Variants in DNHD1 observed in about 807,000 individuals in gnomAD.
The protein encoded by DNHD1 is dynein heavy chain domain-containing protein 1.
DNHD1 carries 383 observed loss-of-function variants against 458.1 expected under a neutral mutation model. The ratio of observed to expected loss-of-function variants is 0.84; its 90% CI spans 0.77 to 0.91. DNHD1 has a LOEUF of 0.91. Among genes scored for constraint, DNHD1 ranks in the 40% least tolerant of loss-of-function variants. The probability of loss-of-function intolerance (pLI) is 0.00; values close to 1 mark genes in which losing one functional copy is unlikely to be tolerated. For missense variants in DNHD1, 5,336 were observed against 5,866.1 expected, an observed-to-expected ratio of 0.91 and a Z score of 2.95; for synonymous variants, 2,203 against 2,376.9, an observed-to-expected ratio of 0.93 and a Z score of 2.13.
intron 4 of DNHD1, among the ~76,000 whole-genome samples, chr11:6,504,997 G>A (rs1362233857): frequency 6.6e-6 from 1 of 151,770 alleles, no homozygotes; most frequent in African/African-American, 2.4e-5. Context: ...TGACTGGCTA[G>A]TTTTTAAATT....
chr11:6,564,484 C>T lies in DNHD1; in HGVS notation c.10436C>T (p.Pro3479Leu). Residue 3479 changes from proline to leucine, a missense_variant, in exon 32 of 43, where the codon CCA becomes CTA. Pro to Leu is a moderately conservative substitution (Grantham distance 98, BLOSUM62 -3). Coordinates refer to ENST00000254579, the MANE Select transcript of DNHD1 (RefSeq NM_144666.3). ...AGGGGCTTTCAGGAGGCTCTGGGCC[C>T]AGATGATGTGGCACAGGCACTGAAG... is the stretch of plus-strand genomic sequence containing the variant. Reference protein sequence around the residue: ...LCRGFQEALGPDDVAQALKRK... With the variant: ...LCRGFQEALGLDDVAQALKRK... 1 of 1,551,682 alleles carries T rather than the reference C, an allele frequency of 6.4e-7. No individual in the cohort carries two copies.
chr11:6,535,400 TAACA>T (rs10588587), intron 14 of DNHD1, among the ~76,000 whole-genome samples: 3,976 of 152,294 alleles, frequency 0.026, 176 homozygotes, highest in African/African-American at 0.091. Context: ...TCTTAGTTTC[TAACA>T]AACACCATTC....
In DNHD1 at chr11:6,559,046, T is replaced by C. The variant is rs1244086058; in HGVS notation, c.9356T>C (p.Leu3119Pro). ...ACCCCCAAGACCTTCCTAGACTTCC[T>C]GGACACTTTCCTGATGCTGCAGCAA... is the stretch of plus-strand genomic sequence containing the variant. ...LVTPKTFLDF[L>P]DTFLMLQQQT... Residue 3119 changes from leucine to proline, a missense_variant, in exon 27 of 43, where the codon CTG (leucine) becomes CCG (proline). This residue lies in a region of DNHD1 where 3,932 missense variants were observed against 4,365.6 expected (regional missense o/e 0.90). Transcript: ENST00000254579. 6.4e-7 allele frequency: 1 copy of C among 1,551,696 alleles called. No homozygotes were observed. Among genetic ancestry groups the C allele is most frequent in the Non-Finnish European group, 8.7e-7 (1 of 1,146,984 alleles).
chr11:6,530,278 C>T (rs1237209081), intron 12 of DNHD1, among the ~76,000 whole-genome samples: 3 of 152,184 alleles, frequency 2.0e-5, no homozygotes, highest in South Asian at 2.1e-4. Context: ...TCTACCCCTG[C>T]TAATTGAACG....
chr11:6,567,951 T>C (rs1314977506), intron 36 of DNHD1, 91 bp downstream of exon 36: 10 of 1,484,916 alleles, frequency 6.7e-6, no homozygotes, highest in Non-Finnish European at 9.0e-6. Context: ...TGGATCTTTC[T>C]GTACTACGTA....
Position 6,566,352 on chromosome 11 carries a change from T to C in DNHD1, c.11165T>C (p.Leu3722Pro), listed in dbSNP as rs867352868. Residue 3722 changes from leucine to proline, a missense_variant, in exon 34 of 43, where the codon CTG becomes CCG. By Grantham distance (98) the Leu-to-Pro change is moderately conservative. Around this residue, in one of 4 missense-constraint regions of DNHD1, gnomAD observed 695 missense variants for 804.2 expected, o/e 0.86. Transcript: ENST00000254579. ...SPPQVQPGFCLYLSTTLSLCA... is the reference protein window; with the variant it reads ...SPPQVQPGFCPYLSTTLSLCA... Reference sequence around the variant, plus strand: ...CCCCAGGTGCAGCCTGGCTTCTGTCTGTATCTCAGCACCACCCTCTCCCTC... The same window carrying C: ...CCCCAGGTGCAGCCTGGCTTCTGTCCGTATCTCAGCACCACCCTCTCCCTC... 6.4e-7 allele frequency: 1 copy of C among 1,556,734 alleles called. No homozygotes were observed. Among genetic ancestry groups the C allele is most frequent in the Non-Finnish European group, 8.7e-7 (1 of 1,149,934 alleles).
At chr11:6,535,630 A>T (rs7934080) in intron 14 of DNHD1, among the ~76,000 whole-genome samples, 2,094 of 152,344 alleles carry the variant, frequency 0.014, 53 homozygotes, top group African/African-American at 0.048. Flanking sequence ...TACAATAATA[A>T]ATTCTAAGCT....
rs1287761225 is a variant in DNHD1, at chr11:6,529,017, G to A, written c.2243G>A (p.Ser748Asn). Residue 748 changes from serine (S) to asparagine (N), a missense_variant, in exon 12 of 43, where the codon AGC becomes AAC. Ser to Asn is a conservative substitution (Grantham distance 46, BLOSUM62 1). Around this residue, in one of 4 missense-constraint regions of DNHD1, gnomAD observed 3,932 missense variants for 4,365.6 expected, o/e 0.90. Transcript: ENST00000254579. The part of the protein sequence containing the change: ...GPIKNYVTLV[S>N]RLNVWQARVS... ...ATCAAGAACTACGTGACGCTGGTGA[G>A]CCGCCTGAATGTTTGGCAGGCCCGT... The A allele has an allele frequency of 2.2e-5, 34 of 1,551,372 alleles. No individual in the cohort carries two copies. Among genetic ancestry groups the A allele is most frequent in the Non-Finnish European group, 2.8e-5 (32 of 1,147,006 alleles).
At position 6,563,569 on chromosome 11, in the gene DNHD1, G is replaced by A; in HGVS notation, c.9852+5G>A. ...TGCACTGAGGATTTTTATCAGGTAG[G>A]AAGGGTGGAGCACAATGAAGGAGGA... On this transcript the variant is annotated splice_donor_5th_base_variant and intron_variant, in intron 30 of 42. Transcript: ENST00000254579. The A allele has an allele frequency of 6.4e-7, 1 of 1,551,340 alleles. No individual in the cohort carries two copies.
chr11:6,535,500 A>G (rs2344928), intron 14 of DNHD1, among the ~76,000 whole-genome samples: 149,184 of 152,280 alleles, frequency 0.98, 73,140 homozygotes, highest in Middle Eastern at 1. Context: ...CTAAAGTGTC[A>G]TTTTATACCA....
intron 41 of DNHD1, 75 bp from the exon 42 acceptor site, chr11:6,570,542 AG>A: frequency 6.7e-7 from 1 of 1,489,538 alleles, no homozygotes; most frequent in Non-Finnish European, 9.0e-7. Flanking sequence ...GTAAAGGCTC[AG>A]AGGAAGGCCT....
At chr11:6,502,642 C>A in intron 3 of DNHD1, 111 bp from the exon 4 acceptor site, 1 of 997,318 alleles carries the variant, frequency 1.0e-6, no homozygotes, top group Non-Finnish European at 1.4e-6. Context: ...GTCAGGTCTC[C>A]TCAGGCACCT....
intron 28 of DNHD1, among the ~76,000 whole-genome samples, chr11:6,562,743 C>A (rs748444826): frequency 6.6e-6 from 1 of 152,052 alleles, no homozygotes; most frequent in African/African-American, 2.4e-5. Context: ...GCATAGTCTT[C>A]GGGTGAAGCG....
Position 6,501,642 on chromosome 11 carries a change from C to T in DNHD1, c.747-1111C>T, listed in dbSNP as rs111593242. ...GGATGGAACTGGGAGCTCAGCAGGG[C>T]TTGCATGGGGTTAGGGATAGCAGTT... On this transcript the variant is annotated intron_variant, in intron 3 of 42. Transcript: ENST00000254579. Among the ~76,000 whole-genome samples, 1,019 of 152,016 alleles carry T rather than the reference C, an allele frequency of 6.7e-3. 9 individuals carry two copies. Among genetic ancestry groups the T allele is most frequent in the Middle Eastern group, 0.014 (4 of 294 alleles).
intron 12 of DNHD1, 129 bp downstream of exon 12, chr11:6,529,250 C>A: frequency 9.6e-7 from 1 of 1,036,964 alleles, no homozygotes; most frequent in Non-Finnish European, 1.4e-6. Context: ...TGAAGCCTTC[C>A]AAAGCCCGAG....
chr11:6,558,433 G>C (rs969539433), intron 25 of DNHD1, 52 bp from the exon 26 acceptor site: 43 of 1,546,034 alleles, frequency 2.8e-5, no homozygotes, highest in Non-Finnish European at 3.8e-5. Flanking sequence ...CTGGGGCCAG[G>C]AGGGGCAAGC....
chr11:6,547,067 G>A lies in DNHD1; in HGVS notation c.6128G>A (p.Gly2043Glu), dbSNP rs1198758074. 6.4e-7 allele frequency: 1 copy of A among 1,551,728 alleles called. No homozygotes were observed. The highest frequency in any genetic ancestry group is 1.4e-5 in the African/African-American group (1 of 73,178). Residue 2043 changes from glycine (G) to glutamate (E), a missense_variant, in exon 21 of 43, where the codon GGA becomes GAA. Around this residue, in one of 4 missense-constraint regions of DNHD1, gnomAD observed 3,932 missense variants for 4,365.6 expected, o/e 0.90. Coordinates refer to ENST00000254579, the MANE Select transcript of DNHD1 (RefSeq NM_144666.3). The stretch of plus-strand genomic sequence containing the variant: ...GGCCTCAGCCCCCAGGAGTTCCTGG[G>A]ATGGCTAGAGGGCTCCTGCTGGCAT... ...PSGLSPQEFL[G>E]WLEGSCWHHG...
chr11:6,497,898 T>C lies in DNHD1; in HGVS notation c.-318T>C, dbSNP rs867641125. The C allele has an allele frequency of 8.6e-6, 3 of 350,494 alleles. No homozygotes were observed. Among genetic ancestry groups the C allele is most frequent in the South Asian group, 4.4e-5 (1 of 22,934 alleles). 21.7% of individuals were successfully genotyped at this position (350,494 alleles called of 1,614,324 possible). A position where few individuals can be genotyped will look rare whatever the true frequency, so the allele number is the denominator to read the frequency against. ...GAAGGAACTCTTCTGCAAGGAGGGC[T>C]CTCACGTCTGTCTTAGGCCTGCTCC... On this transcript the variant is annotated 5_prime_UTR_variant, in exon 3 of 43. Coordinates refer to ENST00000254579, the MANE Select transcript of DNHD1 (RefSeq NM_144666.3).
chr11:6,536,359 C>T (rs1472989564), intron 14 of DNHD1, among the ~76,000 whole-genome samples: 1 of 151,972 alleles, frequency 6.6e-6, no homozygotes, highest in African/African-American at 2.4e-5. Context: ...AATATTGTAT[C>T]AATATAATAT....
Sources: allele counts gnomAD v4.1 joint callset (sites outside exome capture counted in the v4.1 genomes callset), GRCh38; gene constraint gnomAD v4.1.1; regional missense constraint gnomAD v4.1.1; transcripts MANE v1.5; gene names NCBI Gene and HGNC (gene_info 2026-07-23, HGNC 2026-07-21).